STK32B: variants seen among roughly 807,000 people sequenced by gnomAD.
STK32B encodes the protein serine/threonine kinase 32B.
A neutral mutation model predicts 52.6 loss-of-function variants in STK32B; 43 were observed. The ratio of observed to expected loss-of-function variants is 0.82; its 90% CI spans 0.64 to 1.05. STK32B has a LOEUF of 1.05. Among genes scored for constraint, STK32B ranks in the 50% least tolerant of loss-of-function variants. The pLI, the probability that STK32B is intolerant of heterozygous loss-of-function variation, is 0.00. For synonymous variants in STK32B, 238 were observed against 204.3 expected, an observed-to-expected ratio of 1.17 and a Z score of -1.41; for missense variants, 621 against 534.6, an observed-to-expected ratio of 1.16 and a Z score of -1.59.
chr4:5,234,394 C>T (rs1724486033), intron 3 of STK32B, among the ~76,000 whole-genome samples: 1 of 152,212 alleles, frequency 6.6e-6, no homozygotes, highest in Non-Finnish European at 1.5e-5. Flanking sequence ...CTTAACCCCA[C>T]ATCTTTTACA....
intron 4 of STK32B, among the ~76,000 whole-genome samples, chr4:5,346,412 G>A (rs757221419): frequency 1.3e-5 from 2 of 152,168 alleles, no homozygotes; most frequent in African/African-American, 2.4e-5. Flanking sequence ...GTCCAAGTCT[G>A]GGTTCCTTCT....
rs1176537073 is a variant in STK32B at position 5,460,855 on chromosome 4, A to T, written c.909+627A>T. On this transcript the variant is annotated intron_variant, in intron 9 of 11. Coordinates refer to ENST00000282908, the MANE Select transcript of STK32B (RefSeq NM_018401.3). This position sits in a 1 kb window ranked among gnomAD's most constrained non-coding sequence, Gnocchi z 4.8. ...ATAATAGGAAATGGGGCCAGGAGGG[A>T]ACACATGCCACACCAAAAAGGCTTC... Among the ~76,000 whole-genome samples the T allele has an allele frequency of 6.6e-6, 1 of 152,190 alleles. No homozygotes were observed. The highest frequency in any genetic ancestry group is 1.5e-5 in the Non-Finnish European group (1 of 68,032).
intron 4 of STK32B, among the ~76,000 whole-genome samples, chr4:5,343,649 C>T (rs1404832910): frequency 6.6e-6 from 1 of 152,178 alleles, no homozygotes; most frequent in African/African-American, 2.4e-5. Context: ...CAATACCATT[C>T]AGGACATAGG....
chr4:5,369,683 T>G (rs1735102329), intron 4 of STK32B, among the ~76,000 whole-genome samples: 1 of 152,066 alleles, frequency 6.6e-6, no homozygotes. Flanking sequence ...TATTAATACA[T>G]GAGAGTTTGG....
chr4:5,222,417 C>G (rs897555727), intron 3 of STK32B, among the ~76,000 whole-genome samples: 2 of 152,106 alleles, frequency 1.3e-5, no homozygotes, highest in African/African-American at 4.8e-5. Context: ...AAAACTGTAG[C>G]AACAGCTTCA....
At chr4:5,388,375 C>T (rs1319115206) in intron 4 of STK32B, among the ~76,000 whole-genome samples, 4 of 152,146 alleles carry the variant, frequency 2.6e-5, no homozygotes, top group African/African-American at 9.7e-5. Flanking sequence ...TGAGTAAGTC[C>T]TTGACATACA....
chr4:5,381,446 A>G (rs1466181183), intron 4 of STK32B, among the ~76,000 whole-genome samples: 1 of 152,214 alleles, frequency 6.6e-6, no homozygotes. Flanking sequence ...CTGCCCTCTC[A>G]TCTGCAGCAC....
At chr4:5,052,276 G>C (rs1741819665) in intron 1 of STK32B, among the ~76,000 whole-genome samples, 1 of 152,158 alleles carries the variant, frequency 6.6e-6, no homozygotes, top group South Asian at 2.1e-4. Context: ...GTTTCCTTGA[G>C]AGCCTGAGGC....
intron 2 of STK32B, among the ~76,000 whole-genome samples, chr4:5,141,876 G>T (rs1275660687): frequency 1.3e-5 from 2 of 152,012 alleles, no homozygotes; most frequent in Non-Finnish European, 2.9e-5. Flanking sequence ...TAATGGTTTA[G>T]AGGTTGCCGA....
rs769997395 is a variant in STK32B at position 5,051,847 on chromosome 4, G to T, written c.-17G>T. The T allele has an allele frequency of 1.3e-6, 2 of 1,592,506 alleles. No homozygotes were observed. Among genetic ancestry groups the T allele is most frequent in the Admixed American group, 1.7e-5 (1 of 57,558 alleles). On this transcript the variant is annotated 5_prime_UTR_variant, in exon 1 of 12. Transcript: ENST00000282908. ...TCCCAGCGGCCGGGCATGTAGCAGC[G>T]GCAGCAACGGCGGAATATGGGCGGG...
intron 2 of STK32B, among the ~76,000 whole-genome samples, chr4:5,141,918 C>T (rs73210211): frequency 0.013 from 1,990 of 152,216 alleles, 19 homozygotes; most frequent in Middle Eastern, 0.031. Context: ...CACAACTGCT[C>T]CTCACTTCTG....
upstream of STK32B, among the ~76,000 whole-genome samples, chr4:5,048,371 G>A (rs570228230): frequency 8.6e-4 from 129 of 150,318 alleles, no homozygotes; most frequent in African/African-American, 3.0e-3. Context: ...CGCGATCTTG[G>A]CTCACTGCAA....
chr4:5,309,826 G>A (rs1340252303), intron 3 of STK32B, among the ~76,000 whole-genome samples: 2 of 152,122 alleles, frequency 1.3e-5, no homozygotes, highest in Non-Finnish European at 2.9e-5. Context: ...TCTGAACAAC[G>A]ATTTTTATGG....
At position 5,398,134 on chromosome 4, in the gene STK32B, A is replaced by T; in HGVS notation, c.435-73A>T. On this transcript the variant is annotated intron_variant, in intron 4 of 11. Coordinates refer to ENST00000282908, the MANE Select transcript of STK32B (RefSeq NM_018401.3). The surrounding 1 kb of genome is among the most constrained non-coding windows in gnomAD (Gnocchi z 4.9). ...CCTGGGTGTTCCAGCATTTGTCCTG[A>T]TGTGGTGCTTGTCTATGTGCTCATC... 1 of 1,567,510 alleles carries T rather than the reference A, an allele frequency of 6.4e-7. No homozygotes were observed. Among genetic ancestry groups the T allele is most frequent in the African/African-American group, 1.4e-5 (1 of 73,990 alleles).
chr4:5,468,153 C>A, intron 11 of STK32B, 83 bp downstream of exon 11: 1 of 1,435,994 alleles, frequency 7.0e-7, no homozygotes, highest in South Asian at 1.1e-5. Context: ...AGTCCCTGCC[C>A]CCCAAACCGG....
rs201529318 is a variant in STK32B at position 5,317,536 on chromosome 4, C to CAT, written c.261-13683_261-13682dup. The stretch of plus-strand genomic sequence containing the variant: ...TAATATATTTATTATATATATATTA[C>CAT]ATGTATATATATATATATATATAAC... On this transcript the variant is annotated intron_variant, in intron 3 of 11. Coordinates refer to ENST00000282908, the MANE Select transcript of STK32B (RefSeq NM_018401.3). Among the ~76,000 whole-genome samples the CAT allele has an allele frequency of 4.8e-3, 450 of 93,500 alleles. 11 individuals are homozygous for CAT. Among genetic ancestry groups the CAT allele is most frequent in the Middle Eastern group, 0.02 (4 of 196 alleles). 61.3% of individuals were successfully genotyped at this position (93,500 alleles called of 152,430 possible). A position where few individuals can be genotyped will look rare whatever the true frequency, so the allele number is the denominator to read the frequency against.
chr4:5,444,250 G>A (rs1007188758), intron 6 of STK32B, among the ~76,000 whole-genome samples: 8 of 152,208 alleles, frequency 5.3e-5, no homozygotes, highest in African/African-American at 1.7e-4. Flanking sequence ...AGCAATCAGC[G>A]AGACTCCGTG....
intron 3 of STK32B, among the ~76,000 whole-genome samples, chr4:5,260,816 C>T (rs1025510408): frequency 1.3e-5 from 2 of 152,026 alleles, no homozygotes; most frequent in Non-Finnish European, 2.9e-5. Flanking sequence ...GCCCTAGGGA[C>T]CAACATCTGG....
At chr4:5,357,476 T>G (rs1294708011) in intron 4 of STK32B, among the ~76,000 whole-genome samples, 1 of 151,978 alleles carries the variant, frequency 6.6e-6, no homozygotes, top group Non-Finnish European at 1.5e-5. Flanking sequence ...AAATCTGGCA[T>G]CAAGGATCAA....
Sources: allele counts gnomAD v4.1 joint callset (sites outside exome capture counted in the v4.1 genomes callset), GRCh38; gene constraint gnomAD v4.1.1; non-coding constraint Gnocchi (gnomAD v3.1); transcripts MANE v1.5; gene names NCBI Gene and HGNC (gene_info 2026-07-23, HGNC 2026-07-21).